SOX5: variants seen among roughly 807,000 people sequenced by gnomAD.
SOX5 encodes SRY-box transcription factor 5.
SOX5 carries 9 observed loss-of-function variants against 92.0 expected under a neutral mutation model. The ratio of observed to expected loss-of-function variants is 0.10; its 90% CI spans 0.06 to 0.17. The LOEUF (loss-of-function observed/expected upper bound fraction) is 0.17. SOX5 is among the 10% of genes least tolerant of loss of function. The pLI is 1.00. For synonymous variants in SOX5, 344 were observed against 336.3 expected (o/e 1.02, Z -0.25); for missense variants, 642 against 944.5 (o/e 0.68, Z 4.20).
intron 3 of SOX5, among the ~76,000 whole-genome samples, chr12:24,262,457 C>T (rs1249293191): frequency 2.0e-5 from 3 of 152,152 alleles, no homozygotes; most frequent in Admixed American, 1.3e-4. Flanking sequence ...AATGATTTCT[C>T]CCAGATGTTG....
chr12:24,547,009 A>G (rs1952685531), intron 1 of SOX5, among the ~76,000 whole-genome samples: 1 of 152,192 alleles, frequency 6.6e-6, no homozygotes, highest in African/African-American at 2.4e-5. Context: ...AGGAAGACAC[A>G]CGCAACATTT....
chr12:24,459,492 C>A (rs114199949), intron 1 of SOX5, among the ~76,000 whole-genome samples: 1 of 152,176 alleles, frequency 6.6e-6, no homozygotes, highest in South Asian at 2.1e-4. Flanking sequence ...AATATAAGTA[C>A]GATAATCCTA....
At chr12:24,060,210 T>C (rs1411600125) in intron 4 of SOX5, among the ~76,000 whole-genome samples, 2 of 152,242 alleles carry the variant, frequency 1.3e-5, no homozygotes, top group East Asian at 3.9e-4. Flanking sequence ...ATTTGTGTCA[T>C]GTAACCTTCA....
intron 14 of SOX5, among the ~76,000 whole-genome samples, chr12:23,536,003 G>A (rs752180690): frequency 4.1e-4 from 62 of 152,104 alleles, no homozygotes; most frequent in Non-Finnish European, 8.5e-4. Flanking sequence ...GATCCACAAA[G>A]GCCACACATG....
At chr12:23,734,285 G>A (rs553249390) in intron 6 of SOX5, among the ~76,000 whole-genome samples, 7 of 152,120 alleles carry the variant, frequency 4.6e-5, no homozygotes, top group Non-Finnish European at 1.0e-4. Context: ...CATGGCTCTC[G>A]GGCATGCAAT....
intron 4 of SOX5, among the ~76,000 whole-genome samples, chr12:24,012,766 G>T (rs1184154320): frequency 2.0e-5 from 3 of 152,102 alleles, no homozygotes; most frequent in Admixed American, 2.0e-4. Flanking sequence ...AATATTAGAG[G>T]TTACATCCTA....
At chr12:23,702,026 A>C (rs1224446701) in intron 6 of SOX5, among the ~76,000 whole-genome samples, 1 of 152,118 alleles carries the variant, frequency 6.6e-6, no homozygotes, top group Non-Finnish European at 1.5e-5. Context: ...AATATGAAGA[A>C]AGATTTACCT....
At chr12:23,838,845 G>GGCGGC (rs1407602969) in intron 3 of SOX5, among the ~76,000 whole-genome samples, 4 of 69,772 alleles carry the variant, frequency 5.7e-5, no homozygotes, top group Non-Finnish European at 1.2e-4. Flanking sequence ...TTTTTTTTTG[G>GGCGGC]GGGGGGGGGG....
intron 8 of SOX5, among the ~76,000 whole-genome samples, chr12:23,638,859 G>A: frequency 6.8e-6 from 1 of 146,592 alleles, no homozygotes; most frequent in Admixed American, 6.9e-5. Context: ...GCATGTGTTT[G>A]TTCTGAATAA....
chr12:23,980,081 C>T (rs905730684), intron 4 of SOX5, among the ~76,000 whole-genome samples: 2 of 152,068 alleles, frequency 1.3e-5, no homozygotes, highest in African/African-American at 2.4e-5. Flanking sequence ...TCCCAAAGTG[C>T]GGAGATTATG....
intron 1 of SOX5, among the ~76,000 whole-genome samples, chr12:24,371,820 T>TCTA (rs1382540559): frequency 1.3e-5 from 2 of 152,134 alleles, no homozygotes; most frequent in Non-Finnish European, 2.9e-5. Context: ...AAACCTCATC[T>TCTA]CTACTAAAAA....
chr12:24,046,568 G>C (rs770023489), intron 4 of SOX5, among the ~76,000 whole-genome samples: 1 of 151,548 alleles, frequency 6.6e-6, no homozygotes, highest in Non-Finnish European at 1.5e-5. Flanking sequence ...AGAATTATAA[G>C]AGTGCATAAA....
At chr12:23,785,278 G>A (rs1357869783) in intron 3 of SOX5, among the ~76,000 whole-genome samples, 3 of 152,084 alleles carry the variant, frequency 2.0e-5, no homozygotes, top group Non-Finnish European at 4.4e-5. Context: ...TTTAAAATTA[G>A]TCTTGAGAAG....
At chr12:23,663,773 A>T (rs1405824208) in intron 7 of SOX5, among the ~76,000 whole-genome samples, 5 of 152,158 alleles carry the variant, frequency 3.3e-5, no homozygotes, top group Non-Finnish European at 7.3e-5. Flanking sequence ...GTGTAGCAAT[A>T]AAAATTAAAA....
At chr12:24,453,421 ATACT>A (rs1310480951) in intron 1 of SOX5, among the ~76,000 whole-genome samples, 1 of 152,230 alleles carries the variant, frequency 6.6e-6, no homozygotes, top group Admixed American at 6.5e-5. Context: ...CCATAGCTTA[ATACT>A]TAGGTAAAAT....
intron 6 of SOX5, among the ~76,000 whole-genome samples, chr12:23,686,007 C>A (rs923693931): frequency 6.6e-6 from 1 of 152,076 alleles, no homozygotes; most frequent in Non-Finnish European, 1.5e-5. Context: ...ATACAACAGG[C>A]ACAGAATTAA....
chr12:23,634,788 T>A (rs941048148), intron 8 of SOX5, among the ~76,000 whole-genome samples: 4 of 152,230 alleles, frequency 2.6e-5, no homozygotes, highest in Non-Finnish European at 5.9e-5. Flanking sequence ...ATTCTGCTAT[T>A]GTCTCGTTTT....
chr12:24,520,279 GA>G, intron 1 of SOX5, among the ~76,000 whole-genome samples: 1 of 152,014 alleles, frequency 6.6e-6, no homozygotes, highest in South Asian at 2.1e-4. Flanking sequence ...ACAGATAAAT[GA>G]AACACTCTAA....
chr12:23,543,465 T>C, intron 12 of SOX5, 81 bp from the exon 13 acceptor site: 1 of 1,056,532 alleles, frequency 9.5e-7, no homozygotes, highest in Non-Finnish European at 1.4e-6. Context: ...TTTCAGTCTA[T>C]TAAGATATCT....
Sources: allele counts gnomAD v4.1 joint callset (sites outside exome capture counted in the v4.1 genomes callset), GRCh38; gene constraint gnomAD v4.1.1; transcripts MANE v1.5; gene names NCBI Gene and HGNC (gene_info 2026-07-23, HGNC 2026-07-21).